OVCH2: variants seen among roughly 807,000 people sequenced by gnomAD.
OVCH2 encodes the protein ovochymase-2.
A neutral mutation model predicts 73.7 loss-of-function variants in OVCH2; 88 were observed. The ratio of observed to expected loss-of-function variants is 1.19; its 90% confidence interval spans 1.01 to 1.43. OVCH2 has a LOEUF of 1.43. Ranked by LOEUF, OVCH2 falls within the 40% of genes most tolerant of loss-of-function variation. The pLI is 0.00. For missense variants in OVCH2, 706 were observed against 674.5 expected (o/e 1.05, Z -0.52); for synonymous variants, 265 against 234.5 (o/e 1.13, Z -1.19).
Position 7,691,341 on chromosome 11 carries a change from T to C in OVCH2, c.1567A>G (p.Ile523Val). 2.5e-6 allele frequency: 4 copies of C among 1,613,890 alleles called. No homozygotes were observed. The highest frequency in any genetic ancestry group is 3.4e-6 in the Non-Finnish European group (4 of 1,179,854). The change falls in exon 14 of 16, where the codon ATC (isoleucine) becomes GTC (valine). Residue 523 changes from isoleucine (I) to valine (V), a missense_variant. By Grantham distance (29) the Ile-to-Val change is conservative. Coordinates refer to ENST00000533663, the MANE Select transcript of OVCH2 (RefSeq NM_198185.7). Reference protein sequence around the residue: ...PVLSPSSIMLISFQSDENGTC... With the variant: ...PVLSPSSIMLVSFQSDENGTC... ...CCGTTTTCATCTGATTGGAAGCTGA[T>C]GAGCATGATGCTGGAGGGGCTCAGC... is the stretch of plus-strand genomic sequence containing the variant.
chr11:7,696,603 A>T lies in OVCH2; in HGVS notation c.1017-14T>A, dbSNP rs367663281. The stretch of plus-strand genomic sequence containing the variant: ...CAGACACACCGTCTGTAGGCAGATC[A>T]TGGAGAGGGCGTTATTTCTAGACAG... On this transcript the variant is annotated splice_polypyrimidine_tract_variant and intron_variant, in intron 9 of 15. Transcript: ENST00000533663. The T allele has an allele frequency of 5.2e-5, 84 of 1,613,760 alleles. No homozygotes were observed. The highest frequency in any genetic ancestry group is 6.8e-5 in the Non-Finnish European group (80 of 1,179,758).
chr11:7,690,023 A>C lies in OVCH2; in HGVS notation c.1640-10T>G. The C allele has an allele frequency of 6.8e-7, 1 of 1,480,032 alleles. No homozygotes were observed. The highest frequency in any genetic ancestry group is 9.1e-7 in the Non-Finnish European group (1 of 1,097,054). The allele number at this position is 1,480,032 out of a possible 1,614,324, so 91.7% of individuals were successfully genotyped here. On this transcript the variant is annotated splice_polypyrimidine_tract_variant and intron_variant, in intron 14 of 15. Transcript: ENST00000533663. Reference sequence around the variant, plus strand: ...TTTAAATCTGGGTATACTGGGTATAAGTATGATACAATTACTCAGTTTCCA... The same window carrying C: ...TTTAAATCTGGGTATACTGGGTATACGTATGATACAATTACTCAGTTTCCA...
intron 14 of OVCH2, among the ~76,000 whole-genome samples, chr11:7,690,435 T>C (rs886705118): frequency 1.3e-5 from 2 of 152,150 alleles, no homozygotes; most frequent in African/African-American, 4.8e-5. Flanking sequence ...TTATTAGGGA[T>C]GCATTGTTTT....
chr11:7,699,999 A>G lies in OVCH2; in HGVS notation c.901+297T>C, dbSNP rs189598107. On this transcript the variant is annotated intron_variant, in intron 7 of 15. Transcript: ENST00000533663. Reference sequence around the variant, plus strand: ...GGTGAGCACTCTGGACTCTGAATCCAGAGAAGTAAGTGGTGAAAGCATATC... The same window carrying G: ...GGTGAGCACTCTGGACTCTGAATCCGGAGAAGTAAGTGGTGAAAGCATATC... 6.1e-4 allele frequency: 184 copies of G among 299,250 alleles called. 1 individual carries two copies. Among genetic ancestry groups the G allele is most frequent in the Admixed American group, 5.1e-4 (11 of 21,762 alleles). 18.5% of individuals were successfully genotyped at this position (299,250 alleles called of 1,614,324 possible). A position where few individuals can be genotyped will look rare whatever the true frequency, so the allele number is the denominator to read the frequency against.
chr11:7,700,634 C>CTG, intron 6 of OVCH2, 149 bp from the exon 7 acceptor site: 1 of 860,172 alleles, frequency 1.2e-6, no homozygotes, highest in Non-Finnish European at 1.7e-6. Context: ...ATACAGATCC[C>CTG]AGCACAATTC....
Position 7,691,291 on chromosome 11 carries a change from T to C in OVCH2, c.1617A>G (p.Thr539=). The C allele has an allele frequency of 6.2e-7, 1 of 1,613,210 alleles. No homozygotes were observed. Among genetic ancestry groups the C allele is most frequent in the South Asian group, 1.1e-5 (1 of 90,880 alleles). ...ENGTCRGFQA[T]VSFIPKAVYP... Reference sequence around the variant, plus strand: ...TACCTGCTTTAGGAATGAAGGAGACTGTAGCCTGAAAGCCCCTGCAGGTCC... The same window carrying C: ...TACCTGCTTTAGGAATGAAGGAGACCGTAGCCTGAAAGCCCCTGCAGGTCC... The change falls in exon 14 of 16, where the codon ACA becomes ACG. Residue 539 remains threonine (T), a synonymous_variant. Coordinates refer to ENST00000533663, the MANE Select transcript of OVCH2 (RefSeq NM_198185.7).
At chr11:7,695,311 GAAA>G (rs1383202681) in intron 11 of OVCH2, 123 bp from the exon 12 acceptor site, 2 of 1,247,902 alleles carry the variant, frequency 1.6e-6, no homozygotes, top group Admixed American at 2.8e-5. Flanking sequence ...CTGCGAACAA[GAAA>G]AGACGTAGTG....
At chr11:7,689,754 A>G in intron 15 of OVCH2, 152 bp from the exon 16 acceptor site, 1 of 686,594 alleles carries the variant, frequency 1.5e-6, no homozygotes. Context: ...ATTTTAACTG[A>G]TTAACTCTGT....
intron 14 of OVCH2, among the ~76,000 whole-genome samples, chr11:7,690,223 A>C (rs551328919): frequency 3.3e-5 from 5 of 152,290 alleles, no homozygotes; most frequent in Admixed American, 6.5e-5. Flanking sequence ...AGAATGAACA[A>C]CTTGGAAAGC....
chr11:7,695,483 G>A (rs1304124666), intron 11 of OVCH2, 87 bp downstream of exon 11: 1 of 1,315,358 alleles, frequency 7.6e-7, no homozygotes, highest in Non-Finnish European at 1.1e-6. Flanking sequence ...CTTGGGAGAG[G>A]GATCCCTGCC....
the OVCH2 span, among the ~76,000 whole-genome samples, chr11:7,680,615 G>A: frequency 6.6e-6 from 1 of 152,128 alleles, no homozygotes; most frequent in Admixed American, 6.5e-5. Flanking sequence ...AAGGGATACA[G>A]GCAACCACTA....
chr11:7,691,164 A>T, intron 14 of OVCH2, 105 bp downstream of exon 14: 1 of 1,336,460 alleles, frequency 7.5e-7, no homozygotes, highest in South Asian at 1.3e-5. Flanking sequence ...TAATTACTGC[A>T]GATAGTGAGA....
In OVCH2 at chr11:7,701,326, G is replaced by A. The variant is rs767692919; in HGVS notation, c.709C>T (p.Gln237Ter). 4.3e-6 allele frequency: 7 copies of A among 1,610,896 alleles called. No individual in the cohort carries two copies. The African/African-American group carries it at 9.4e-5, about 22-fold the overall frequency. Residue 237 changes from glutamine (Q) to a stop codon, truncating the protein, a stop_gained and splice_region_variant, in exon 6 of 16, where the codon CAG becomes TAG. Coordinates refer to ENST00000533663, the MANE Select transcript of OVCH2 (RefSeq NM_198185.7). LOFTEE classifies it high-confidence loss of function. Reference protein sequence around the residue: ...GFPDGGRDACQGDSGGSLMCR... With the variant: ...GFPDGGRDAC ...ACAGCCCCGCAGCTCCCACCCACCT[G>A]ACATGCGTCTCTCCCTCCATCAGGA... is the stretch of plus-strand genomic sequence containing the variant.
chr11:7,691,203 G>A, intron 14 of OVCH2, 66 bp downstream of exon 14: 5 of 1,527,432 alleles, frequency 3.3e-6, no homozygotes, highest in Non-Finnish European at 4.4e-6. Context: ...GGGCTCTAAA[G>A]ACCTCTAATT....
downstream of OVCH2, among the ~76,000 whole-genome samples, chr11:7,686,961 G>A (rs74474588): frequency 0.022 from 3,381 of 152,126 alleles, 125 homozygotes; most frequent in African/African-American, 0.077. Context: ...ATCGTTGCCC[G>A]CATCTGCTGC....
At chr11:7,694,869 T>C (rs1040354129) in intron 12 of OVCH2, among the ~76,000 whole-genome samples, 189 bp downstream of exon 12, 1 of 150,870 alleles carries the variant, frequency 6.6e-6, no homozygotes, top group African/African-American at 2.4e-5. Context: ...AAATGTGTAG[T>C]TGCAGGGGAA....
intron 10 of OVCH2, 45 bp downstream of exon 10, chr11:7,696,420 C>G (rs1216497152): frequency 7.4e-6 from 12 of 1,611,464 alleles, no homozygotes; most frequent in Non-Finnish European, 1.0e-5. Flanking sequence ...CTCATTAAGC[C>G]CACTTGGCAC....
rs759350855 is a variant in OVCH2 at position 7,695,620 on chromosome 11, G to T, written c.1232C>A (p.Ala411Glu). The T allele has an allele frequency of 6.2e-7, 1 of 1,612,582 alleles. No individual in the cohort carries two copies. Among genetic ancestry groups the T allele is most frequent in the African/African-American group, 1.4e-5 (1 of 73,904 alleles). ...LKFVSDATDNAAGFNLTYKAL... is the reference protein window; with the variant it reads ...LKFVSDATDNEAGFNLTYKAL... ...TTTATAGGTAAGATTAAACCCAGCT[G>T]CATTATCTGTGGCATCAGAGACGAA... is the stretch of plus-strand genomic sequence containing the variant. The change falls in exon 11 of 16, where the codon GCA (alanine) becomes GAA (glutamate). Residue 411 changes from alanine to glutamate, a missense_variant. By Grantham distance (107) the Ala-to-Glu change is moderately radical (BLOSUM62 -1). Coordinates refer to ENST00000533663, the MANE Select transcript of OVCH2 (RefSeq NM_198185.7).
chr11:7,679,668 C>A, the OVCH2 span, among the ~76,000 whole-genome samples: 1 of 152,162 alleles, frequency 6.6e-6, no homozygotes, highest in African/African-American at 2.4e-5. Flanking sequence ...GTCAATTAAA[C>A]CTCTTTCCTT....
Sources: allele counts gnomAD v4.1 joint callset (sites outside exome capture counted in the v4.1 genomes callset), GRCh38; gene constraint gnomAD v4.1.1; transcripts MANE v1.5; gene names NCBI Gene and HGNC (gene_info 2026-07-23, HGNC 2026-07-21).